SLC10A7: variants seen among roughly 807,000 people sequenced by gnomAD.
The protein encoded by SLC10A7 is sodium/bile acid cotransporter 7.
SLC10A7 carries 29 observed loss-of-function variants against 43.2 expected under a neutral mutation model. The ratio of observed to expected loss-of-function variants is 0.67; its 90% confidence interval spans 0.50 to 0.92. The LOEUF is 0.92. SLC10A7 is among the 40% of genes least tolerant of loss of function. SLC10A7 has a pLI of 0.00. For missense variants in SLC10A7, 295 were observed against 403.2 expected, an observed-to-expected ratio of 0.73 and a Z score of 2.30; for synonymous variants, 152 against 144.8, an observed-to-expected ratio of 1.05 and a Z score of -0.35.
At position 146,512,072 on chromosome 4, in the gene SLC10A7, C is replaced by T. The variant is rs377235061; in HGVS notation, c.184-2023G>A. Among the ~76,000 whole-genome samples, 240 of 137,294 alleles carry T rather than the reference C, an allele frequency of 1.7e-3. 1 individual carries two copies. Among genetic ancestry groups the T allele is most frequent in the African/African-American group, 6.2e-3 (226 of 36,494 alleles). 90.1% of individuals were successfully genotyped at this position (137,294 alleles called of 152,430 possible). Reference sequence around the variant, plus strand: ...CACTGCAACCACTGCCTCCTGAGTTCAAGCGATTCTCCTGCCTCCACCTCC... The same window carrying T: ...CACTGCAACCACTGCCTCCTGAGTTTAAGCGATTCTCCTGCCTCCACCTCC... On this transcript the variant is annotated intron_variant, in intron 2 of 11. Transcript: ENST00000335472.
At chr4:146,450,961 G>A (rs536864060) in intron 4 of SLC10A7, among the ~76,000 whole-genome samples, 1 of 151,150 alleles carries the variant, frequency 6.6e-6, no homozygotes, top group South Asian at 2.1e-4. Context: ...TGTATGACAA[G>A]AGTATCATAA....
At chr4:146,295,176 C>A (rs899815352) in intron 7 of SLC10A7, among the ~76,000 whole-genome samples, 13 of 152,118 alleles carry the variant, frequency 8.5e-5, no homozygotes, top group African/African-American at 3.1e-4. Flanking sequence ...AATCTTTGAA[C>A]AACTGGCTGT....
At chr4:146,467,269 G>GT (rs1178033819) in intron 4 of SLC10A7, among the ~76,000 whole-genome samples, 3 of 152,014 alleles carry the variant, frequency 2.0e-5, no homozygotes, top group Non-Finnish European at 4.4e-5. Context: ...GCAAACTCAA[G>GT]TTCTGCCTTT....
At chr4:146,512,424 A>G (rs1299885862) in intron 2 of SLC10A7, among the ~76,000 whole-genome samples, 1 of 152,236 alleles carries the variant, frequency 6.6e-6, no homozygotes, top group Non-Finnish European at 1.5e-5. Flanking sequence ...GTGATTGTAA[A>G]CATTTATACA....
intron 5 of SLC10A7, among the ~76,000 whole-genome samples, chr4:146,426,635 G>C (rs1729374070): frequency 6.6e-6 from 1 of 152,168 alleles, no homozygotes; most frequent in East Asian, 1.9e-4. Flanking sequence ...CAGCACTTTG[G>C]GAGGCTGAGG....
chr4:146,490,501 C>T (rs969868848), intron 4 of SLC10A7, among the ~76,000 whole-genome samples: 2 of 152,080 alleles, frequency 1.3e-5, no homozygotes, highest in African/African-American at 4.8e-5. Context: ...GTTTCCCAGG[C>T]TGTTTGTCAG....
At chr4:146,356,775 A>C (rs912851573) in intron 5 of SLC10A7, among the ~76,000 whole-genome samples, 9 of 152,202 alleles carry the variant, frequency 5.9e-5, no homozygotes, top group African/African-American at 1.7e-4. Flanking sequence ...CAATGTCTAC[A>C]ACAGTGCTTG....
At chr4:146,380,489 T>A (rs1737534654) in intron 5 of SLC10A7, among the ~76,000 whole-genome samples, 1 of 152,348 alleles carries the variant, frequency 6.6e-6, no homozygotes, top group Middle Eastern at 3.4e-3. Flanking sequence ...ATCAGAGAGA[T>A]CTTGCCAACA....
chr4:146,469,569 G>T (rs1182199598), intron 4 of SLC10A7, among the ~76,000 whole-genome samples: 3 of 152,158 alleles, frequency 2.0e-5, no homozygotes, highest in Non-Finnish European at 4.4e-5. Context: ...TGTAAGATAT[G>T]ATCACCATCC....
intron 5 of SLC10A7, among the ~76,000 whole-genome samples, chr4:146,359,169 A>T (rs1475109330): frequency 6.6e-6 from 1 of 151,992 alleles, no homozygotes; most frequent in African/African-American, 2.4e-5. Context: ...GGAGATTTGG[A>T]TATTATCCAT....
At chr4:146,291,681 C>G (rs185566131) in intron 9 of SLC10A7, among the ~76,000 whole-genome samples, 12 of 152,158 alleles carry the variant, frequency 7.9e-5, no homozygotes, top group African/African-American at 2.9e-4. Context: ...TGCTTCTTCT[C>G]CCACCAAGAA....
intron 5 of SLC10A7, 187 bp downstream of exon 5, chr4:146,442,596 T>C (rs1249840913): frequency 2.1e-6 from 3 of 1,436,738 alleles, no homozygotes; most frequent in Non-Finnish European, 2.7e-6. Context: ...CCAAAATATA[T>C]TGTAAGAGAA....
At chr4:146,349,801 T>TA (rs1355113028) in intron 5 of SLC10A7, among the ~76,000 whole-genome samples, 1 of 151,996 alleles carries the variant, frequency 6.6e-6, no homozygotes, top group East Asian at 1.9e-4. Flanking sequence ...CTCATGGACA[T>TA]AAAAATGGCA....
intron 10 of SLC10A7, among the ~76,000 whole-genome samples, chr4:146,273,398 A>G (rs1351026047): frequency 6.6e-6 from 1 of 151,990 alleles, no homozygotes; most frequent in Non-Finnish European, 1.5e-5. Flanking sequence ...GAAATTAGAG[A>G]CCTGAGTTTA....
chr4:146,472,711 C>T (rs1733681631), intron 4 of SLC10A7, among the ~76,000 whole-genome samples: 1 of 152,144 alleles, frequency 6.6e-6, no homozygotes, highest in Non-Finnish European at 1.5e-5. Context: ...CTCAACAGCA[C>T]CAGCTCCTGC....
intron 5 of SLC10A7, among the ~76,000 whole-genome samples, chr4:146,377,939 C>T (rs1249209108): frequency 1.3e-5 from 2 of 152,082 alleles, no homozygotes; most frequent in African/African-American, 4.8e-5. Context: ...AACAGGAAAC[C>T]CAGTCATCAA....
chr4:146,296,222 T>A (rs964316490), intron 7 of SLC10A7, among the ~76,000 whole-genome samples: 1 of 152,192 alleles, frequency 6.6e-6, no homozygotes, highest in Admixed American at 6.5e-5. Context: ...ATACAACTAT[T>A]CACACATGTA....
chr4:146,296,780 G>A lies in SLC10A7; in HGVS notation c.556-2685C>T, dbSNP rs75713306. 9.6e-3 allele frequency among the ~76,000 whole-genome samples: 1,465 copies of A among 152,244 alleles called. 8 individuals are homozygous for A. The highest frequency in any genetic ancestry group is 0.031 in the Middle Eastern group (9 of 294). On this transcript the variant is annotated intron_variant, in intron 7 of 11. Coordinates refer to ENST00000335472, the MANE Select transcript of SLC10A7 (RefSeq NM_001029998.6). ...TTTTGCACTATGTAGCTAGAAAGGC[G>A]TTAAAATGTTTCATAAACAAAAACT...
intron 4 of SLC10A7, among the ~76,000 whole-genome samples, chr4:146,483,451 A>AC (rs1491528558): frequency 1.5e-4 from 1 of 6,538 alleles, no homozygotes. Flanking sequence ...ACACACACAC[A>AC]AAAAAAAAAC....
Sources: allele counts gnomAD v4.1 joint callset (sites outside exome capture counted in the v4.1 genomes callset), GRCh38; gene constraint gnomAD v4.1.1; transcripts MANE v1.5; gene names NCBI Gene and HGNC (gene_info 2026-07-23, HGNC 2026-07-21).